Variants in AGBL4 observed in about 807,000 individuals in gnomAD.
AGBL4 encodes cytosolic carboxypeptidase 6.
Under a neutral mutation model 66.4 loss-of-function variants are expected in AGBL4, and 58 were observed. That is an observed-to-expected ratio of 0.87 (90% confidence interval 0.71 to 1.09). AGBL4 has a LOEUF of 1.09. AGBL4 is among the 50% of genes least tolerant of loss of function. AGBL4 has a pLI of 0.00. For synonymous variants in AGBL4, 234 were observed against 222.9 expected, an observed-to-expected ratio of 1.05 and a Z score of -0.44; for missense variants, 579 against 631.0, an observed-to-expected ratio of 0.92 and a Z score of 0.88.
Position 49,644,235 on chromosome 1 carries a change from G to A in AGBL4, c.282+53078C>T, listed in dbSNP as rs187053128. 5.9e-3 allele frequency among the ~76,000 whole-genome samples: 901 copies of A among 151,668 alleles called. 4 individuals are homozygous for A. Among genetic ancestry groups the A allele is most frequent in the Middle Eastern group, 0.01 (3 of 294 alleles). On this transcript the variant is annotated intron_variant, in intron 3 of 13. Transcript: ENST00000371839. ...AGCTAGTAACAATGGAGACAAGATG[G>A]AATCAACAAAAATGCTCTACTTACC...
At chr1:49,865,949 A>G (rs536415957) in intron 1 of AGBL4, 21 of 405,174 alleles carry the variant, frequency 5.2e-5, no homozygotes, top group Middle Eastern at 3.6e-4. Context: ...CAACATGAGA[A>G]TATAATTTTG....
intron 1 of AGBL4, among the ~76,000 whole-genome samples, chr1:49,985,523 G>T (rs957068751): frequency 3.3e-5 from 5 of 152,128 alleles, no homozygotes; most frequent in African/African-American, 1.2e-4. Flanking sequence ...TTATAAGGCA[G>T]TAGCCAGAGG....
Position 49,954,335 on chromosome 1 carries a change from T to A in AGBL4, c.34+69428A>T. Among the ~76,000 whole-genome samples the A allele has an allele frequency of 2.0e-5, 3 of 152,118 alleles. No homozygotes were observed. The South Asian group carries it at 6.2e-4, about 32-fold the overall frequency. On this transcript the variant is annotated intron_variant, in intron 1 of 13. Transcript: ENST00000371839. ...ATTAACAGTATTAAGAGGTGGAACC[T>A]TTAAGAAGTGATTAGGCCATGAGGG...
intron 2 of AGBL4, among the ~76,000 whole-genome samples, chr1:49,757,226 A>G (rs1651952098): frequency 6.6e-6 from 1 of 152,058 alleles, no homozygotes; most frequent in African/African-American, 2.4e-5. Flanking sequence ...ATGATTGTAT[A>G]TTTTTTGAGG....
chr1:49,571,926 T>C (rs536871175), intron 3 of AGBL4, among the ~76,000 whole-genome samples: 20 of 152,300 alleles, frequency 1.3e-4, no homozygotes, highest in African/African-American at 4.8e-4. Context: ...ACCCACTTTA[T>C]TGTAGTCTAT....
At chr1:48,958,535 T>G (rs964483379) in intron 5 of AGBL4, among the ~76,000 whole-genome samples, 1 of 152,236 alleles carries the variant, frequency 6.6e-6, no homozygotes, top group Non-Finnish European at 1.5e-5. Flanking sequence ...AGAGCCTCAG[T>G]ATGGAAGAAA....
intron 3 of AGBL4, among the ~76,000 whole-genome samples, chr1:49,273,562 T>G (rs1313452794): frequency 6.6e-6 from 1 of 150,648 alleles, no homozygotes; most frequent in African/African-American, 2.4e-5. Context: ...GTTTATAAGA[T>G]TTTATTAAAA....
intron 2 of AGBL4, among the ~76,000 whole-genome samples, chr1:49,747,944 TTGTGTG>T (rs4012953): frequency 0.012 from 1,844 of 147,538 alleles, 34 homozygotes; most frequent in African/African-American, 0.034. Context: ...GTGTGTGTGT[TTGTGTG>T]TGTGTGTGTG....
At chr1:49,884,029 G>A (rs1647733516) in intron 1 of AGBL4, among the ~76,000 whole-genome samples, 2 of 151,980 alleles carry the variant, frequency 1.3e-5, no homozygotes. Flanking sequence ...TTGTTGCTAT[G>A]GAATAACTTT....
intron 6 of AGBL4, among the ~76,000 whole-genome samples, chr1:48,770,546 A>G (rs1644761524): frequency 6.6e-6 from 1 of 152,076 alleles, no homozygotes; most frequent in Admixed American, 6.5e-5. Flanking sequence ...TCCCACTGTA[A>G]CTTCAAACCT....
chr1:49,135,328 T>C (rs1645989225), intron 4 of AGBL4, among the ~76,000 whole-genome samples: 1 of 152,130 alleles, frequency 6.6e-6, no homozygotes, highest in Non-Finnish European at 1.5e-5. Context: ...CTAAATTTTA[T>C]AGTAAAAGAT....
intron 1 of AGBL4, among the ~76,000 whole-genome samples, chr1:49,946,408 T>C (rs2148303463): frequency 6.6e-6 from 1 of 152,012 alleles, no homozygotes; most frequent in East Asian, 1.9e-4. Flanking sequence ...AAAAGGAACA[T>C]TTAAAACCAT....
intron 6 of AGBL4, among the ~76,000 whole-genome samples, chr1:48,848,767 G>A (rs1223642761): frequency 6.6e-6 from 1 of 152,134 alleles, no homozygotes; most frequent in East Asian, 1.9e-4. Flanking sequence ...CTCATTATAG[G>A]AGTACCAGTG....
chr1:48,885,691 C>G (rs529445538), intron 5 of AGBL4, among the ~76,000 whole-genome samples: 5 of 152,216 alleles, frequency 3.3e-5, no homozygotes, highest in African/African-American at 1.2e-4. Flanking sequence ...ATGTTGTGCT[C>G]TCTTGGGTAT....
At chr1:49,832,331 AT>A (rs1170807792) in intron 2 of AGBL4, among the ~76,000 whole-genome samples, 1 of 150,452 alleles carries the variant, frequency 6.6e-6, no homozygotes, top group African/African-American at 2.4e-5. Flanking sequence ...TGAACTCATC[AT>A]TTTTTATGGC....
chr1:48,778,909 C>CCT (rs1645213831), intron 6 of AGBL4, among the ~76,000 whole-genome samples: 1 of 152,088 alleles, frequency 6.6e-6, no homozygotes, highest in African/African-American at 2.4e-5. Flanking sequence ...TTATGTGGTA[C>CCT]AGCCAAAAAT....
chr1:48,986,381 A>C (rs1317827944), intron 5 of AGBL4, among the ~76,000 whole-genome samples: 1 of 152,056 alleles, frequency 6.6e-6, no homozygotes, highest in African/African-American at 2.4e-5. Context: ...CAATTTGTTT[A>C]AAGTCAGTAA....
intron 3 of AGBL4, among the ~76,000 whole-genome samples, chr1:49,519,858 A>G (rs12735146): frequency 1.5e-3 from 227 of 152,236 alleles, no homozygotes; most frequent in Non-Finnish European, 1.4e-3. Context: ...GGAGTGAGGC[A>G]TAGAGTGCTG....
At chr1:48,980,911 T>C (rs546691581) in intron 5 of AGBL4, among the ~76,000 whole-genome samples, 1 of 151,920 alleles carries the variant, frequency 6.6e-6, no homozygotes, top group South Asian at 2.1e-4. Flanking sequence ...TAGGAGCTCA[T>C]TACCTCCCTA....
Sources: gnomAD v4.1 joint callset for allele counts (sites outside exome capture counted in the v4.1 genomes callset) on GRCh38, gnomAD v4.1.1 for gene constraint, MANE v1.5 for transcripts, NCBI Gene and HGNC (gene_info 2026-07-23, HGNC 2026-07-21) for gene names.